C9orf153: variants seen among roughly 807,000 people sequenced by gnomAD.
The protein encoded by C9orf153 is uncharacterized protein C9orf153.
In C9orf153, 10 loss-of-function variants were observed where a neutral mutation model predicts 9.0. The observed-to-expected ratio is 1.11, with a 90% CI of 0.69 to 1.89. The LOEUF (loss-of-function observed/expected upper bound fraction) is 1.89. C9orf153 is among the 40% of genes most tolerant of loss of function. The pLI, the probability that C9orf153 is intolerant of heterozygous loss-of-function variation, is 0.00. For missense variants in C9orf153, 108 were observed against 111.0 expected (o/e 0.97, Z 0.12); for synonymous variants, 35 against 37.3 (o/e 0.94, Z 0.23).
At position 86,220,652 on chromosome 9, in the gene C9orf153, G is replaced by A. The variant is rs1824177050; in HGVS notation, c.*1036C>T. 6.6e-6 allele frequency: 1 copy of A among 152,094 alleles called. No homozygotes were observed. Among genetic ancestry groups the A allele is most frequent in the African/African-American group, 2.4e-5 (1 of 41,424 alleles). The allele number at this position is 152,094 out of a possible 1,614,324, so 9.4% of individuals were successfully genotyped here. The stretch of plus-strand genomic sequence containing the variant: ...TTCCTTTACTGCTTAGTGGTCCATA[G>A]TTTTGCTACAGTATTTCTGGGTATA... On this transcript the variant is annotated 3_prime_UTR_variant, in exon 4 of 4. Transcript: ENST00000339137.
intron 2 of C9orf153, chr9:86,229,103 G>T (rs1330591579): frequency 1.9e-5 from 3 of 160,888 alleles, no homozygotes; most frequent in Non-Finnish European, 4.1e-5. Flanking sequence ...TTGGTACATA[G>T]GTGGAGATTT....
chr9:86,236,312 A>G (rs1824586978), intron 1 of C9orf153, among the ~76,000 whole-genome samples: 1 of 152,076 alleles, frequency 6.6e-6, no homozygotes, highest in Non-Finnish European at 1.5e-5. Flanking sequence ...GCACTTTGAG[A>G]GGCTGAGGTG....
chr9:86,227,623 G>C (rs1043083813), intron 3 of C9orf153: 2 of 985,370 alleles, frequency 2.0e-6, no homozygotes, highest in Non-Finnish European at 2.4e-6. Context: ...TGCCTAAGCT[G>C]CATAAGATTT....
intron 1 of C9orf153, among the ~76,000 whole-genome samples, chr9:86,258,806 C>T (rs191302493): frequency 2.6e-5 from 4 of 152,044 alleles, no homozygotes; most frequent in Non-Finnish European, 4.4e-5. Context: ...GTTCCCACAA[C>T]CCCCCTTCTC....
intron 1 of C9orf153, among the ~76,000 whole-genome samples, chr9:86,234,336 G>C (rs1824534818): frequency 6.6e-6 from 1 of 152,150 alleles, no homozygotes; most frequent in Non-Finnish European, 1.5e-5. Flanking sequence ...ATGTTGAATA[G>C]CTATTGTGTC....
chr9:86,254,383 T>C (rs1015290641), intron 1 of C9orf153, among the ~76,000 whole-genome samples: 1 of 152,208 alleles, frequency 6.6e-6, no homozygotes, highest in Non-Finnish European at 1.5e-5. Context: ...ACTCTGCTCT[T>C]TATTAGAGCT....
At chr9:86,245,967 C>T (rs1001325981) in intron 1 of C9orf153, among the ~76,000 whole-genome samples, 5 of 152,134 alleles carry the variant, frequency 3.3e-5, no homozygotes, top group African/African-American at 1.2e-4. Context: ...TTCCACATCC[C>T]ACAGCTTTCT....
At chr9:86,252,073 T>C (rs1369519036) in intron 1 of C9orf153, among the ~76,000 whole-genome samples, 3 of 152,162 alleles carry the variant, frequency 2.0e-5, no homozygotes, top group Admixed American at 2.0e-4. Context: ...CTCACTCTGT[T>C]GCCCAGGCTG....
At chr9:86,255,924 AAGG>A (rs1825114159) in intron 1 of C9orf153, among the ~76,000 whole-genome samples, 1 of 152,158 alleles carries the variant, frequency 6.6e-6, no homozygotes, top group Non-Finnish European at 1.5e-5. Context: ...GGACTTGGGG[AAGG>A]AGAACTTTGA....
At chr9:86,256,329 C>T (rs1325947251) in intron 1 of C9orf153, among the ~76,000 whole-genome samples, 1 of 152,180 alleles carries the variant, frequency 6.6e-6, no homozygotes, top group Non-Finnish European at 1.5e-5. Flanking sequence ...CAATGAATAC[C>T]TTCGAGCCAC....
intron 1 of C9orf153, among the ~76,000 whole-genome samples, chr9:86,250,247 A>G (rs1220234152): frequency 6.6e-6 from 1 of 152,182 alleles, no homozygotes; most frequent in African/African-American, 2.4e-5. Flanking sequence ...TTCATGTGAT[A>G]TGAGTTCAGT....
chr9:86,244,277 G>A (rs1026322480), intron 1 of C9orf153, among the ~76,000 whole-genome samples: 6 of 152,068 alleles, frequency 3.9e-5, no homozygotes, highest in Non-Finnish European at 8.8e-5. Flanking sequence ...GTCTTGCTAT[G>A]TTGCCCAGCT....
At chr9:86,229,766 C>T in intron 1 of C9orf153, 137 bp from the exon 2 acceptor site, 1 of 577,538 alleles carries the variant, frequency 1.7e-6, no homozygotes, top group Non-Finnish European at 3.1e-6. Context: ...TGTATTAGTC[C>T]ATTCTTGAAT....
intron 1 of C9orf153, among the ~76,000 whole-genome samples, chr9:86,232,881 C>T (rs112061525): frequency 1.3e-4 from 19 of 151,980 alleles, no homozygotes; most frequent in African/African-American, 4.1e-4. Flanking sequence ...TACAGGCAAG[C>T]GCCACCACAC....
chr9:86,229,391 A>T, intron 2 of C9orf153, 147 bp downstream of exon 2: 1 of 562,326 alleles, frequency 1.8e-6, no homozygotes, highest in South Asian at 2.5e-5. Flanking sequence ...CTTCTCTGTG[A>T]CTAAGAATGT....
intron 1 of C9orf153, among the ~76,000 whole-genome samples, chr9:86,241,465 G>C (rs988604404): frequency 6.6e-5 from 10 of 152,130 alleles, no homozygotes. Flanking sequence ...GGTCTGTGCC[G>C]AGCACAGCAA....
At chr9:86,235,856 T>C (rs907198562) in intron 1 of C9orf153, among the ~76,000 whole-genome samples, 9 of 143,352 alleles carry the variant, frequency 6.3e-5, no homozygotes, top group African/African-American at 2.3e-4. Flanking sequence ...AACATATGCA[T>C]AATGAGAATA....
At chr9:86,223,720 G>A (rs1160828002) in intron 3 of C9orf153, among the ~76,000 whole-genome samples, 1 of 152,220 alleles carries the variant, frequency 6.6e-6, no homozygotes, top group Non-Finnish European at 1.5e-5. Flanking sequence ...AAAGAGGACA[G>A]AAGTGTCAAT....
intron 1 of C9orf153, among the ~76,000 whole-genome samples, chr9:86,240,407 T>C (rs1291294594): frequency 6.6e-6 from 1 of 150,918 alleles, no homozygotes; most frequent in Non-Finnish European, 1.5e-5. Flanking sequence ...AATAGAGTCT[T>C]GCTCTGTCAC....
Sources: gnomAD v4.1 joint callset for allele counts (sites outside exome capture counted in the v4.1 genomes callset) on GRCh38, gnomAD v4.1.1 for gene constraint, MANE v1.5 for transcripts, NCBI Gene and HGNC (gene_info 2026-07-23, HGNC 2026-07-21) for gene names.